ZDHHC21: variants seen among roughly 807,000 people sequenced by gnomAD.
ZDHHC21 encodes palmitoyltransferase ZDHHC21.
Under a neutral mutation model 34.6 loss-of-function variants are expected in ZDHHC21, and 15 were observed. The ratio of observed to expected loss-of-function variants is 0.43; its 90% CI spans 0.29 to 0.67. The LOEUF is 0.67. Ranked by LOEUF, ZDHHC21 falls within the 30% of genes least tolerant of loss-of-function variation. The pLI is 0.14. For synonymous variants in ZDHHC21, 142 were observed against 101.8 expected (o/e 1.40, Z -2.38); for missense variants, 344 against 327.7 (o/e 1.05, Z -0.38).
intron 3 of ZDHHC21, among the ~76,000 whole-genome samples, chr9:14,679,054 T>C (rs781041188): frequency 3.3e-5 from 5 of 152,104 alleles, no homozygotes; most frequent in Non-Finnish European, 5.9e-5. Flanking sequence ...CATGTTTCTA[T>C]TGATAATGGA....
chr9:14,661,672 T>C (rs1833421367), intron 6 of ZDHHC21, among the ~76,000 whole-genome samples: 1 of 152,196 alleles, frequency 6.6e-6, no homozygotes, highest in Admixed American at 6.5e-5. Flanking sequence ...TGACCAAAAC[T>C]GTTAGCAGTT....
At position 14,655,313 on chromosome 9, in the gene ZDHHC21, C is replaced by T. The variant is rs183198343; in HGVS notation, c.504+3436G>A. On this transcript the variant is annotated intron_variant, in intron 7 of 9. Transcript: ENST00000380916. ...TAAAAGCATCTTCAGGGAACCAACA[C>T]TGAGAGAATTTGTTCCAAGAGACTT... Among the ~76,000 whole-genome samples the T allele has an allele frequency of 5.9e-5, 9 of 152,006 alleles. No individual in the cohort carries two copies. The East Asian group carries it at 1.7e-3, about 29-fold the overall frequency.
At chr9:14,602,390 T>A in the ZDHHC21 span, among the ~76,000 whole-genome samples, 1 of 151,992 alleles carries the variant, frequency 6.6e-6, no homozygotes, top group Admixed American at 6.6e-5. Flanking sequence ...TGAGATGAGA[T>A]GGCCAAAGGC....
chr9:14,597,442 G>C, the ZDHHC21 span, among the ~76,000 whole-genome samples: 5 of 152,166 alleles, frequency 3.3e-5, no homozygotes, highest in African/African-American at 1.2e-4. Flanking sequence ...GGGAGCTGAA[G>C]CACACACTCC....
At chr9:14,691,531 T>G (rs1005904969) in intron 1 of ZDHHC21, among the ~76,000 whole-genome samples, 1 of 152,242 alleles carries the variant, frequency 6.6e-6, no homozygotes, top group Non-Finnish European at 1.5e-5. Flanking sequence ...TCATTGATTC[T>G]TGTCTCAGAA....
chr9:14,691,102 C>G (rs1251289473), intron 1 of ZDHHC21, among the ~76,000 whole-genome samples: 1 of 152,158 alleles, frequency 6.6e-6, no homozygotes, highest in African/African-American at 2.4e-5. Context: ...ACCTCCTATG[C>G]TAAAAAAGTT....
chr9:14,644,998 T>A (rs1475091400), intron 7 of ZDHHC21, among the ~76,000 whole-genome samples: 1 of 152,108 alleles, frequency 6.6e-6, no homozygotes, highest in Non-Finnish European at 1.5e-5. Context: ...GGGCAAGTTT[T>A]GCTCCCAAGT....
downstream of ZDHHC21, among the ~76,000 whole-genome samples, chr9:14,608,407 G>T (rs1243523388): frequency 1.3e-5 from 2 of 152,066 alleles, no homozygotes; most frequent in Non-Finnish European, 2.9e-5. Flanking sequence ...TACTACTAAA[G>T]ACACACTCAA....
At chr9:14,689,357 G>C (rs912114926) in intron 2 of ZDHHC21, among the ~76,000 whole-genome samples, 1 of 152,184 alleles carries the variant, frequency 6.6e-6, no homozygotes, top group East Asian at 1.9e-4. Flanking sequence ...AGCTAATAAA[G>C]AATGTATAAT....
chr9:14,673,100 G>T (rs1267824304), intron 4 of ZDHHC21, among the ~76,000 whole-genome samples, 172 bp from the exon 5 acceptor site: 1 of 151,746 alleles, frequency 6.6e-6, no homozygotes, highest in African/African-American at 2.4e-5. Flanking sequence ...CTGTCAGGAG[G>T]ACTATCTTAA....
At position 14,687,894 on chromosome 9, in the gene ZDHHC21, T is replaced by C. The variant is rs1409006345; in HGVS notation, c.-176+2443A>G. 3.3e-5 allele frequency among the ~76,000 whole-genome samples: 5 copies of C among 151,042 alleles called. 1 individual carries two copies. Among genetic ancestry groups the C allele is most frequent in the African/African-American group, 7.4e-5 (3 of 40,300 alleles). On this transcript the variant is annotated intron_variant, in intron 2 of 9. Coordinates refer to ENST00000380916, the MANE Select transcript of ZDHHC21 (RefSeq NM_178566.6). ...AGAGAAAATGCTTATTAGATGAATA[T>C]ATGAAATTTTAAACTTATTAATTAC...
Position 14,615,748 on chromosome 9 carries a change from A to G in ZDHHC21, c.*3218T>C, listed in dbSNP as rs1824041859. On this transcript the variant is annotated 3_prime_UTR_variant, in exon 10 of 10. Coordinates refer to ENST00000380916, the MANE Select transcript of ZDHHC21 (RefSeq NM_178566.6). Reference sequence around the variant, plus strand: ...ACAACAATGACAAATATGATTGTTAAGGAGGTGTAACTTACAGTATCTAGG... The same window carrying G: ...ACAACAATGACAAATATGATTGTTAGGGAGGTGTAACTTACAGTATCTAGG... 6.6e-6 allele frequency: 1 copy of G among 151,696 alleles called. No individual in the cohort carries two copies. The highest frequency in any genetic ancestry group is 1.5e-5 in the Non-Finnish European group (1 of 67,726). The allele number at this position is 151,696 out of a possible 1,614,324, so 9.4% of individuals were successfully genotyped here. A position where few individuals can be genotyped will look rare whatever the true frequency, so the allele number is the denominator to read the frequency against.
At chr9:14,659,270 T>C (rs1016350643) in intron 6 of ZDHHC21, among the ~76,000 whole-genome samples, 13 of 152,150 alleles carry the variant, frequency 8.5e-5, no homozygotes, top group African/African-American at 3.1e-4. Flanking sequence ...TCCCTGTATT[T>C]TGCTCTTCCT....
At chr9:14,667,276 T>A (rs1204353013) in intron 5 of ZDHHC21, among the ~76,000 whole-genome samples, 15 of 147,710 alleles carry the variant, frequency 1.0e-4, no homozygotes, top group East Asian at 2.0e-4. Flanking sequence ...CCTCGACACA[T>A]ACACTCTCCC....
At position 14,613,959 on chromosome 9, in the gene ZDHHC21, C is replaced by T. The variant is rs1160952972; in HGVS notation, c.*5007G>A. The T allele has an allele frequency of 6.6e-6, 1 of 151,758 alleles. No homozygotes were observed. Among genetic ancestry groups the T allele is most frequent in the African/African-American group, 2.4e-5 (1 of 41,402 alleles). The allele number at this position is 151,758 out of a possible 1,614,324, so 9.4% of individuals were successfully genotyped here. Reference sequence around the variant, plus strand: ...TTAAAACTAAAATATTTATAAAAGGCATCTGACCAACTGAAGAGAAACCGC... The same window carrying T: ...TTAAAACTAAAATATTTATAAAAGGTATCTGACCAACTGAAGAGAAACCGC... On this transcript the variant is annotated 3_prime_UTR_variant, in exon 10 of 10. Transcript: ENST00000380916.
intron 2 of ZDHHC21, among the ~76,000 whole-genome samples, chr9:14,684,829 A>T (rs1279020292): frequency 1.3e-5 from 2 of 152,194 alleles, no homozygotes; most frequent in African/African-American, 2.4e-5. Context: ...TAACCAAAAC[A>T]CCATGGTACT....
chr9:14,647,321 C>T (rs184142339), intron 7 of ZDHHC21, among the ~76,000 whole-genome samples: 6 of 152,196 alleles, frequency 3.9e-5, no homozygotes, highest in Non-Finnish European at 8.8e-5. Context: ...TCAGATTTGG[C>T]TATTTATGAT....
chr9:14,625,784 A>G (rs1169399745), intron 8 of ZDHHC21, among the ~76,000 whole-genome samples: 1 of 151,958 alleles, frequency 6.6e-6, no homozygotes, highest in East Asian at 1.9e-4. Flanking sequence ...GACTACACAT[A>G]TAAAATCCTA....
chr9:14,612,501 A>G lies in ZDHHC21; in HGVS notation c.*6465T>C, dbSNP rs1165404914. On this transcript the variant is annotated 3_prime_UTR_variant, in exon 10 of 10. Transcript: ENST00000380916. ...CAAAGGTGTTTTAAATTACGAGTAC[A>G]CTTAAAGGGTGTTTCTCTTCATTTT... 6.6e-6 allele frequency: 1 copy of G among 151,964 alleles called. No homozygotes were observed. Among genetic ancestry groups the G allele is most frequent in the African/African-American group, 2.4e-5 (1 of 41,424 alleles). 9.4% of individuals were successfully genotyped at this position (151,964 alleles called of 1,614,324 possible). A position where few individuals can be genotyped will look rare whatever the true frequency, so the allele number is the denominator to read the frequency against.
Sources: allele counts gnomAD v4.1 joint callset (sites outside exome capture counted in the v4.1 genomes callset), GRCh38; gene constraint gnomAD v4.1.1; transcripts MANE v1.5; gene names NCBI Gene and HGNC (gene_info 2026-07-23, HGNC 2026-07-21).